Variants in SNTG2 observed in about 807,000 individuals in gnomAD.
SNTG2 encodes the protein gamma-2-syntrophin.
In SNTG2, 74 loss-of-function variants were observed where a neutral mutation model predicts 70.9. The observed-to-expected ratio is 1.04, with a 90% confidence interval of 0.86 to 1.27. The LOEUF (loss-of-function observed/expected upper bound fraction) is 1.27, where lower values mean the gene tolerates loss of function less well. Among genes scored for constraint, SNTG2 ranks in the 50% most tolerant of loss-of-function variants. The pLI is 0.00. For missense variants in SNTG2, 717 were observed against 690.7 expected (o/e 1.04, Z -0.43); for synonymous variants, 278 against 273.8 (o/e 1.02, Z -0.15).
chr2:1,283,364 A>G (rs1429275316), intron 14 of SNTG2, among the ~76,000 whole-genome samples: 2 of 152,140 alleles, frequency 1.3e-5, no homozygotes, highest in Non-Finnish European at 2.9e-5. Context: ...TTTGGCCAAC[A>G]TGGAGGCTTC....
rs755089944 is a variant in SNTG2, at chr2:1,098,403, C to T, written c.318C>T (p.Asp106=). 3 of 1,613,926 alleles carry T rather than the reference C, an allele frequency of 1.9e-6. No individual in the cohort carries two copies. The highest frequency in any genetic ancestry group is 2.5e-6 in the Non-Finnish European group (3 of 1,179,890). The change falls in exon 4 of 17, where the codon GAC becomes GAT. Residue 106 remains aspartate (D), a synonymous_variant. Transcript: ENST00000308624. ...TCGTCATATCAAAAATATTCGAAGA[C>T]CAAGCAGGTAAAAACAGCCAAAATG... ...VPVVISKIFE[D]QAADQTGMLF...
intron 1 of SNTG2, among the ~76,000 whole-genome samples, chr2:1,005,381 G>A (rs1456755694): frequency 2.6e-5 from 4 of 152,060 alleles, no homozygotes; most frequent in African/African-American, 4.8e-5. Flanking sequence ...GCCACCTGGG[G>A]GATGTTGATA....
At chr2:957,103 A>C (rs1471320173) in intron 1 of SNTG2, among the ~76,000 whole-genome samples, 1 of 152,198 alleles carries the variant, frequency 6.6e-6, no homozygotes, top group African/African-American at 2.4e-5. Context: ...ATTACTTCTT[A>C]TACCTAAACC....
intron 10 of SNTG2, 85 bp downstream of exon 10, chr2:1,238,102 G>T: frequency 6.8e-7 from 1 of 1,473,762 alleles, no homozygotes; most frequent in South Asian, 1.3e-5. Flanking sequence ...GATGATTTAT[G>T]ATTAACCCGA....
chr2:1,053,543 T>A (rs574845410), intron 1 of SNTG2, among the ~76,000 whole-genome samples: 1 of 137,172 alleles, frequency 7.3e-6, no homozygotes, highest in East Asian at 2.4e-4. Flanking sequence ...CACGGAGACG[T>A]AATTGTTTCC....
In SNTG2 at chr2:1,098,380, G is replaced by T; in HGVS notation, c.295G>T (p.Val99Phe). 1 of 1,613,874 alleles carries T rather than the reference G, an allele frequency of 6.2e-7. No individual in the cohort carries two copies. ...AGGTTCTGAGCACAACGTCCCTGTC[G>T]TCATATCAAAAATATTCGAAGACCA... is the stretch of plus-strand genomic sequence containing the variant. ...KGGSEHNVPV[V>F]ISKIFEDQAA... Residue 99 changes from valine (V) to phenylalanine (F), a missense_variant, in exon 4 of 17, where the codon GTC becomes TTC. Transcript: ENST00000308624.
At chr2:1,045,873 T>C (rs1421175452) in intron 1 of SNTG2, among the ~76,000 whole-genome samples, 1 of 152,206 alleles carries the variant, frequency 6.6e-6, no homozygotes, top group Non-Finnish European at 1.5e-5. Context: ...GTTCTGTAGA[T>C]GTCTATTAGG....
intron 6 of SNTG2, chr2:1,158,261 C>A (rs1436776660): frequency 6.6e-6 from 1 of 152,152 alleles, no homozygotes; most frequent in Non-Finnish European, 1.5e-5. Context: ...CACTCAAGTT[C>A]ATGTGAAGGA....
chr2:1,245,632 G>A (rs1366183943), intron 11 of SNTG2, among the ~76,000 whole-genome samples: 1 of 152,148 alleles, frequency 6.6e-6, no homozygotes, highest in East Asian at 1.9e-4. Flanking sequence ...TTAAATGGAG[G>A]CTTTTATGAT....
chr2:1,213,151 T>C (rs1181982974), intron 9 of SNTG2, among the ~76,000 whole-genome samples: 2 of 152,204 alleles, frequency 1.3e-5, no homozygotes, highest in Non-Finnish European at 2.9e-5. Flanking sequence ...TCAATACATG[T>C]TTGCATTATG....
chr2:1,157,203 G>A (rs2147828903), intron 6 of SNTG2, among the ~76,000 whole-genome samples: 1 of 152,218 alleles, frequency 6.6e-6, no homozygotes, highest in East Asian at 1.9e-4. Context: ...CTGCAGAGTG[G>A]CCACCAGTGC....
At chr2:1,209,269 C>T (rs972157864) in intron 9 of SNTG2, 39 bp downstream of exon 9, 3 of 1,612,032 alleles carry the variant, frequency 1.9e-6, no homozygotes, top group Non-Finnish European at 2.5e-6. Context: ...CTTTGATGAA[C>T]CCCGTGCACT....
At chr2:1,048,552 A>G (rs1048024011) in intron 1 of SNTG2, among the ~76,000 whole-genome samples, 1 of 152,138 alleles carries the variant, frequency 6.6e-6, no homozygotes, top group Non-Finnish European at 1.5e-5. Context: ...CTGTGTGAGG[A>G]TGCCAACACT....
intron 14 of SNTG2, among the ~76,000 whole-genome samples, chr2:1,302,764 C>T (rs1296577551): frequency 6.6e-6 from 1 of 151,872 alleles, no homozygotes; most frequent in Non-Finnish European, 1.5e-5. Flanking sequence ...CAAAGGTAAC[C>T]ATGTAGATGG....
chr2:1,095,111 A>C (rs560598653), intron 2 of SNTG2, among the ~76,000 whole-genome samples: 1 of 152,194 alleles, frequency 6.6e-6, no homozygotes, highest in South Asian at 2.1e-4. Flanking sequence ...AGAGAGAGAG[A>C]GCGCTGTATC....
In SNTG2 at chr2:1,162,616, G is replaced by A. The variant is rs189490999; in HGVS notation, c.412-2932G>A. 3.6e-3 allele frequency among the ~76,000 whole-genome samples: 550 copies of A among 152,236 alleles called. 1 individual carries two copies. Among genetic ancestry groups the A allele is most frequent in the Non-Finnish European group, 5.9e-3 (400 of 68,026 alleles). On this transcript the variant is annotated intron_variant, in intron 6 of 16. Coordinates refer to ENST00000308624, the MANE Select transcript of SNTG2 (RefSeq NM_018968.4). ...CCGCACACTCTGCACCTCCAGGGAC[G>A]AGGGCTTGCAGGGCCTTGTGAGAGT...
intron 1 of SNTG2, among the ~76,000 whole-genome samples, chr2:951,310 C>T (rs1471022695): frequency 6.6e-6 from 1 of 152,256 alleles, no homozygotes; most frequent in African/African-American, 2.4e-5. Flanking sequence ...TTTGCTCCTC[C>T]AGCGTCTTCC....
At chr2:1,229,890 T>TGCGGAGCCC (rs1302544134) in intron 9 of SNTG2, among the ~76,000 whole-genome samples, 1 of 152,104 alleles carries the variant, frequency 6.6e-6, no homozygotes, top group Non-Finnish European at 1.5e-5. Flanking sequence ...CTGCTCCGAG[T>TGCGGAGCCC]GCGGAGCCCG....
chr2:976,079 C>G (rs1660898473), intron 1 of SNTG2, among the ~76,000 whole-genome samples: 1 of 152,052 alleles, frequency 6.6e-6, no homozygotes, highest in South Asian at 2.1e-4. Flanking sequence ...AGAAGAGAAA[C>G]CTGTGGCTTA....
Sources: gnomAD v4.1 joint callset for allele counts (sites outside exome capture counted in the v4.1 genomes callset) on GRCh38, gnomAD v4.1.1 for gene constraint, MANE v1.5 for transcripts, NCBI Gene and HGNC (gene_info 2026-07-23, HGNC 2026-07-21) for gene names.